CHP1: variants seen among roughly 807,000 people sequenced by gnomAD.
The protein encoded by CHP1 is calcineurin B homologous protein 1.
CHP1 carries 11 observed loss-of-function variants against 27.4 expected under a neutral mutation model. The observed-to-expected ratio is 0.40, with a 90% CI of 0.25 to 0.67. The LOEUF is 0.67. Among genes scored for constraint, CHP1 ranks in the 30% least tolerant of loss-of-function variants. The pLI is 0.38. For synonymous variants in CHP1, 89 were observed against 87.4 expected, an observed-to-expected ratio of 1.02 and a Z score of -0.10; for missense variants, 169 against 251.3, an observed-to-expected ratio of 0.67 and a Z score of 2.22.
chr15:41,257,325 AT>A (rs1288304806), intron 3 of CHP1, among the ~76,000 whole-genome samples: 1 of 152,130 alleles, frequency 6.6e-6, no homozygotes, highest in Non-Finnish European at 1.5e-5. Flanking sequence ...TTGTATATTT[AT>A]TGCCCTGATG....
Position 41,256,940 on chromosome 15 carries a change from T to G in CHP1, c.171T>G (p.Leu57=). ...AAGATTTCCAGAGGATTCCAGAACT[T>G]GCCATCAACCCACTGGGGGACCGGA... ...SREDFQRIPE[L]AINPLGDRII... Residue 57 remains leucine (L), a synonymous_variant, in exon 3 of 7, where the codon CTT becomes CTG. Coordinates refer to ENST00000334660, the MANE Select transcript of CHP1 (RefSeq NM_007236.5). The G allele has an allele frequency of 6.2e-7, 1 of 1,614,148 alleles. No individual in the cohort carries two copies. Among genetic ancestry groups the G allele is most frequent in the Non-Finnish European group, 8.5e-7 (1 of 1,180,002 alleles).
chr15:41,254,756 G>A (rs943549231), intron 2 of CHP1, among the ~76,000 whole-genome samples: 1 of 152,182 alleles, frequency 6.6e-6, no homozygotes. Flanking sequence ...CCACGTAAAC[G>A]TTAAACCACA....
At chr15:41,267,897 G>A (rs377132362) in intron 4 of CHP1, among the ~76,000 whole-genome samples, 2 of 142,162 alleles carry the variant, frequency 1.4e-5, no homozygotes, top group South Asian at 2.2e-4. Flanking sequence ...TTGCACCACT[G>A]CACTCCAGTG....
intron 2 of CHP1, among the ~76,000 whole-genome samples, chr15:41,246,448 T>C (rs1308734312): frequency 1.3e-5 from 2 of 151,080 alleles, no homozygotes; most frequent in African/African-American, 4.9e-5. Flanking sequence ...GCTTCCTGAG[T>C]AGCTAGGATT....
intron 4 of CHP1, among the ~76,000 whole-genome samples, chr15:41,263,980 G>A (rs1477558111): frequency 2.0e-5 from 3 of 152,130 alleles, no homozygotes; most frequent in African/African-American, 7.2e-5. Context: ...AAACAATAGG[G>A]AACTATATTA....
Position 41,241,122 on chromosome 15 carries a change from A to T in CHP1, c.68-2545A>T, listed in dbSNP as rs1054605465. 3.3e-5 allele frequency among the ~76,000 whole-genome samples: 5 copies of T among 152,304 alleles called. No homozygotes were observed. The East Asian group carries it at 9.6e-4, about 29-fold the overall frequency. The stretch of plus-strand genomic sequence containing the variant: ...CGCCTTGGCCTCCCAAAGTGCTGAG[A>T]TTACAGGCGTGAGCCACTGCGCCCA... On this transcript the variant is annotated intron_variant, in intron 1 of 6. Transcript: ENST00000334660.
At chr15:41,270,143 A>C (rs1014115654) in intron 4 of CHP1, among the ~76,000 whole-genome samples, 1 of 151,920 alleles carries the variant, frequency 6.6e-6, no homozygotes, top group South Asian at 2.1e-4. Flanking sequence ...TCTATTCCCA[A>C]AGCTGTGGTC....
intron 1 of CHP1, among the ~76,000 whole-genome samples, chr15:41,240,173 TTTTTTA>T (rs1365297306): frequency 1.3e-5 from 2 of 152,122 alleles, no homozygotes; most frequent in East Asian, 1.9e-4. Flanking sequence ...AATAATTTTA[TTTTTTA>T]TTTTTATTTT....
chr15:41,236,547 C>G (rs2099652), intron 1 of CHP1, among the ~76,000 whole-genome samples: 56,192 of 151,938 alleles, frequency 0.37, 11,174 homozygotes, highest in African/African-American at 0.53. Flanking sequence ...CAGAGGTGAG[C>G]CACTGGCCAG....
At chr15:41,248,977 T>C (rs1443932226) in intron 2 of CHP1, among the ~76,000 whole-genome samples, 1 of 152,064 alleles carries the variant, frequency 6.6e-6, no homozygotes, top group Non-Finnish European at 1.5e-5. Flanking sequence ...CTCTCAGCCC[T>C]CTCCTCTTCT....
chr15:41,259,963 CAGG>C, intron 3 of CHP1, among the ~76,000 whole-genome samples: 1 of 152,200 alleles, frequency 6.6e-6, no homozygotes, highest in East Asian at 1.9e-4. Context: ...CTCTTGACCT[CAGG>C]TGATCCGCCC....
At chr15:41,278,951 G>A (rs555705455) in intron 6 of CHP1, 62 bp downstream of exon 6, 71 of 1,600,106 alleles carry the variant, frequency 4.4e-5, no homozygotes, top group African/African-American at 9.4e-5. Flanking sequence ...GGTGGCTTAC[G>A]CCTGTAATCC....
chr15:41,270,935 A>G (rs2047485348), intron 5 of CHP1, among the ~76,000 whole-genome samples: 1 of 152,132 alleles, frequency 6.6e-6, no homozygotes, highest in Admixed American at 6.6e-5. Context: ...CCAACATGGT[A>G]AAAACCCATT....
At chr15:41,241,272 C>T (rs567751069) in intron 1 of CHP1, among the ~76,000 whole-genome samples, 33 of 152,322 alleles carry the variant, frequency 2.2e-4, no homozygotes, top group African/African-American at 7.5e-4. Context: ...TTAAAGAAAA[C>T]GGTTGTAACT....
At chr15:41,239,320 G>GTTT (rs34584018) in intron 1 of CHP1, among the ~76,000 whole-genome samples, 9 of 145,358 alleles carry the variant, frequency 6.2e-5, no homozygotes, top group South Asian at 2.2e-4. Context: ...CTGGAAGATA[G>GTTT]TTTTTTTTTT....
chr15:41,249,206 G>A lies in CHP1; in HGVS notation c.140+5467G>A, dbSNP rs536160696. Among the ~76,000 whole-genome samples, 266 of 152,196 alleles carry A rather than the reference G, an allele frequency of 1.7e-3. 1 individual carries two copies. The highest frequency in any genetic ancestry group is 6.0e-3 in the African/African-American group (251 of 41,538). On this transcript the variant is annotated intron_variant, in intron 2 of 6. Coordinates refer to ENST00000334660, the MANE Select transcript of CHP1 (RefSeq NM_007236.5). ...TTTTGGTTTTTGTTTTTGAGACAGG[G>A]TCTGACTCTATTGCCCAGGCTTGAT...
chr15:41,263,869 T>A (rs2047445721), intron 4 of CHP1, among the ~76,000 whole-genome samples: 1 of 152,178 alleles, frequency 6.6e-6, no homozygotes, highest in African/African-American at 2.4e-5. Context: ...AAACTCTGTC[T>A]CAACAAAGAA....
At chr15:41,231,579 G>A in intron 1 of CHP1, 130 bp downstream of exon 1, 2 of 820,324 alleles carry the variant, frequency 2.4e-6, no homozygotes, top group Middle Eastern at 2.9e-4. Flanking sequence ...CCAGGTTTGG[G>A]GACCGAGAGC....
intron 2 of CHP1, among the ~76,000 whole-genome samples, chr15:41,250,999 G>A (rs887641453): frequency 5.9e-5 from 9 of 151,954 alleles, no homozygotes; most frequent in African/African-American, 2.2e-4. Context: ...CACGCCCAGT[G>A]AATTTTTTTA....
Sources: allele counts gnomAD v4.1 joint callset (sites outside exome capture counted in the v4.1 genomes callset), GRCh38; gene constraint gnomAD v4.1.1; transcripts MANE v1.5; gene names NCBI Gene and HGNC (gene_info 2026-07-23, HGNC 2026-07-21).